The following SLC35F1 variants were observed in gnomAD, a reference collection of about 807,000 sequenced individuals.
The protein encoded by SLC35F1 is solute carrier family 35 member F1.
SLC35F1 carries 14 observed loss-of-function variants against 48.7 expected under a neutral mutation model. The observed-to-expected ratio is 0.29, with a 90% CI of 0.19 to 0.45. The LOEUF is 0.45. Among genes scored for constraint, SLC35F1 ranks in the 20% least tolerant of loss-of-function variants. The pLI, the probability that SLC35F1 is intolerant of heterozygous loss-of-function variation, is 1.00. For synonymous variants in SLC35F1, 190 were observed against 202.2 expected (o/e 0.94, Z 0.51); for missense variants, 404 against 500.0 (o/e 0.81, Z 1.83).
At chr6:118,136,077 C>G (rs965350463) in intron 1 of SLC35F1, among the ~76,000 whole-genome samples, 1 of 152,234 alleles carries the variant, frequency 6.6e-6, no homozygotes, top group African/African-American at 2.4e-5. Context: ...CCATGAAAGA[C>G]AGAGTCTCAC....
At chr6:118,177,727 CCT>C (rs1224714213) in intron 2 of SLC35F1, among the ~76,000 whole-genome samples, 7 of 152,030 alleles carry the variant, frequency 4.6e-5, no homozygotes, top group Non-Finnish European at 8.8e-5. Context: ...ACAGAATTTT[CCT>C]CTGTTATAGT....
intron 1 of SLC35F1, among the ~76,000 whole-genome samples, chr6:118,122,416 T>G (rs962439467): frequency 6.6e-6 from 1 of 152,190 alleles, no homozygotes; most frequent in Non-Finnish European, 1.5e-5. Context: ...AAGCTGCTCA[T>G]TAAACAAGCT....
intron 3 of SLC35F1, among the ~76,000 whole-genome samples, chr6:118,242,528 T>A (rs1400307353): frequency 3.3e-5 from 5 of 152,300 alleles, no homozygotes; most frequent in Admixed American, 2.6e-4. Flanking sequence ...TATAAGGATT[T>A]TATTCTAAAG....
At chr6:118,119,273 G>C in intron 1 of SLC35F1, among the ~76,000 whole-genome samples, 1 of 152,240 alleles carries the variant, frequency 6.6e-6, no homozygotes, top group East Asian at 1.9e-4. Context: ...GATAGCTAAA[G>C]AGATGTATAT....
chr6:118,224,674 TAA>T (rs1775191909), intron 2 of SLC35F1, among the ~76,000 whole-genome samples: 1 of 152,256 alleles, frequency 6.6e-6, no homozygotes, highest in Admixed American at 6.5e-5. Context: ...GTAGCTGTTA[TAA>T]ATGGGATTGC....
intron 3 of SLC35F1, among the ~76,000 whole-genome samples, chr6:118,240,721 G>T (rs945123230): frequency 6.6e-6 from 1 of 152,204 alleles, no homozygotes; most frequent in African/African-American, 2.4e-5. Flanking sequence ...CTGAAGAACT[G>T]ATGGTGGAAC....
chr6:118,252,403 C>T (rs1775585864), intron 3 of SLC35F1, among the ~76,000 whole-genome samples: 1 of 152,016 alleles, frequency 6.6e-6, no homozygotes. Flanking sequence ...AGAAAAAGAG[C>T]CAAGAATGGT....
At chr6:117,999,664 G>GTT (rs1223130262) in intron 1 of SLC35F1, among the ~76,000 whole-genome samples, 1 of 151,902 alleles carries the variant, frequency 6.6e-6, no homozygotes, top group Non-Finnish European at 1.5e-5. Flanking sequence ...CCAGGAGCTG[G>GTT]TTTTTTGAAA....
At chr6:118,052,288 C>T (rs909115976) in intron 1 of SLC35F1, among the ~76,000 whole-genome samples, 1 of 152,128 alleles carries the variant, frequency 6.6e-6, no homozygotes, top group Non-Finnish European at 1.5e-5. Flanking sequence ...CACATACAAT[C>T]TCAAACCACT....
At chr6:118,036,678 C>T (rs924482416) in intron 1 of SLC35F1, among the ~76,000 whole-genome samples, 2 of 152,184 alleles carry the variant, frequency 1.3e-5, no homozygotes, top group African/African-American at 2.4e-5. Context: ...TCACCTCAGC[C>T]TCCCAAGTAG....
At chr6:118,007,971 G>A (rs80197284) in intron 1 of SLC35F1, among the ~76,000 whole-genome samples, 33 of 152,122 alleles carry the variant, frequency 2.2e-4, no homozygotes, top group Middle Eastern at 6.8e-3. Context: ...AGCTGTTGGC[G>A]GGGGGCTACT....
intron 1 of SLC35F1, among the ~76,000 whole-genome samples, chr6:118,128,340 T>A: frequency 1.4e-5 from 2 of 146,300 alleles, no homozygotes; most frequent in Admixed American, 6.9e-5. Flanking sequence ...TAAATCATGC[T>A]GCTATAAAGA....
chr6:117,971,590 C>T (rs1489603436), intron 1 of SLC35F1, among the ~76,000 whole-genome samples: 1 of 152,266 alleles, frequency 6.6e-6, no homozygotes. Flanking sequence ...AAGCTTCTGC[C>T]TGGACATCCA....
At chr6:118,270,011 G>A (rs1243746388) in intron 4 of SLC35F1, among the ~76,000 whole-genome samples, 1 of 152,148 alleles carries the variant, frequency 6.6e-6, no homozygotes, top group African/African-American at 2.4e-5. Context: ...CTGGGCAACA[G>A]AGCAAGACTC....
chr6:117,923,608 C>CAT (rs1338477804), intron 1 of SLC35F1, among the ~76,000 whole-genome samples: 6,984 of 26,058 alleles, frequency 0.27, 2,444 homozygotes, highest in African/African-American at 0.55. Flanking sequence ...TGTATATATA[C>CAT]ATATACATAT....
intron 1 of SLC35F1, among the ~76,000 whole-genome samples, chr6:118,070,142 C>CAA (rs61496169): frequency 0.22 from 17,256 of 78,522 alleles, 3,069 homozygotes; most frequent in Middle Eastern, 0.26. Flanking sequence ...GACTCCGTCT[C>CAA]AAAAAAAAAA....
intron 1 of SLC35F1, among the ~76,000 whole-genome samples, chr6:117,923,680 T>TGTATAC (rs1562238747): frequency 8.9e-5 from 1 of 11,290 alleles, no homozygotes; most frequent in Non-Finnish European, 2.5e-4. Context: ...TATATGTACA[T>TGTATAC]ATATACATAT....
intron 1 of SLC35F1, among the ~76,000 whole-genome samples, chr6:117,946,627 G>T (rs1201976604): frequency 6.6e-6 from 1 of 152,214 alleles, no homozygotes; most frequent in African/African-American, 2.4e-5. Context: ...CTAGAGGAAA[G>T]CCATTAGTGG....
intron 1 of SLC35F1, among the ~76,000 whole-genome samples, chr6:118,095,628 C>A (rs933191608): frequency 6.6e-6 from 1 of 152,102 alleles, no homozygotes; most frequent in Non-Finnish European, 1.5e-5. Context: ...CTAAAGTGAG[C>A]ACTGAAATTT....
Sources: allele counts gnomAD v4.1 joint callset (sites outside exome capture counted in the v4.1 genomes callset), GRCh38; gene constraint gnomAD v4.1.1; transcripts MANE v1.5; gene names NCBI Gene and HGNC (gene_info 2026-07-23, HGNC 2026-07-21).